PRPH2: variants seen among roughly 807,000 people sequenced by gnomAD.
The protein encoded by PRPH2 is peripherin-2.
A neutral mutation model predicts 31.3 loss-of-function variants in PRPH2; 17 were observed. That is an observed-to-expected ratio of 0.54 (90% confidence interval 0.37 to 0.81). PRPH2 has a LOEUF of 0.81. PRPH2 is among the 40% of genes least tolerant of loss of function. The pLI, the probability that PRPH2 is intolerant of heterozygous loss-of-function variation, is 0.00. For synonymous variants in PRPH2, 165 were observed against 184.4 expected (o/e 0.89, Z 0.85); for missense variants, 430 against 439.7 (o/e 0.98, Z 0.20).
chr6:42,714,061 T>G (rs1403858423), intron 1 of PRPH2, among the ~76,000 whole-genome samples: 1 of 151,916 alleles, frequency 6.6e-6, no homozygotes, highest in African/African-American at 2.4e-5. Context: ...TAATGCCGAA[T>G]GTATGCAAGA....
At position 42,716,302 on chromosome 6, in the gene PRPH2, A is replaced by G. The variant is rs115960864; in HGVS notation, c.581+5452T>C. Among the ~76,000 whole-genome samples the G allele has an allele frequency of 5.7e-3, 866 of 152,246 alleles. 8 individuals are homozygous for G. The highest frequency in any genetic ancestry group is 0.02 in the African/African-American group (830 of 41,540). On this transcript the variant is annotated intron_variant, in intron 1 of 2. Coordinates refer to ENST00000230381, the MANE Select transcript of PRPH2 (RefSeq NM_000322.5). ...CTGCCTGGCATGGTGGTGGGTGCCT[A>G]TAATCCCAGGTACTCTGGAGGCTGA...
intron 1 of PRPH2, among the ~76,000 whole-genome samples, chr6:42,706,613 GA>G (rs917010111): frequency 3.4e-4 from 47 of 139,202 alleles, no homozygotes; most frequent in African/African-American, 7.8e-4. Context: ...AAAGGAAAAA[GA>G]AAAAAAAATT....
At position 42,698,528 on chromosome 6, in the gene PRPH2, T is replaced by A. The variant is rs368234195; in HGVS notation, c.829-21A>T. 2,152 of 1,613,880 alleles carry A rather than the reference T, an allele frequency of 1.3e-3. 2 individuals carry two copies. The highest frequency in any genetic ancestry group is 1.7e-3 in the Non-Finnish European group (2,046 of 1,179,988). On this transcript the variant is annotated intron_variant, in intron 2 of 2. Transcript: ENST00000230381. ...GTCACCTGGTGGTGGGAGAGGAGAT[T>A]TAGAGGCAATCTGGGAGAATCGCTG...
At chr6:42,720,707 G>GA (rs1163716624) in intron 1 of PRPH2, among the ~76,000 whole-genome samples, 2 of 151,174 alleles carry the variant, frequency 1.3e-5, no homozygotes, top group East Asian at 1.9e-4. Flanking sequence ...TCACTGGGAA[G>GA]AAAAAAAAAC....
chr6:42,713,348 T>C (rs1238717342), intron 1 of PRPH2, among the ~76,000 whole-genome samples: 1 of 152,064 alleles, frequency 6.6e-6, no homozygotes, highest in Non-Finnish European at 1.5e-5. Context: ...CTCCTCCAAG[T>C]GTAGCAGGAA....
At chr6:42,721,429 G>A (rs1430473923) in intron 1 of PRPH2, among the ~76,000 whole-genome samples, 1 of 152,170 alleles carries the variant, frequency 6.6e-6, no homozygotes, top group African/African-American at 2.4e-5. Flanking sequence ...CCATCCCTCT[G>A]TATAAAGTGG....
chr6:42,700,385 G>T lies in PRPH2; in HGVS notation c.829-1878C>A, dbSNP rs563260827. On this transcript the variant is annotated intron_variant, in intron 2 of 2. Transcript: ENST00000230381. The stretch of plus-strand genomic sequence containing the variant: ...GCAAACTCTACAAGAGGATGAAGCT[G>T]CTCCCTGAGGGCAGGGATGGCCCTG... Among the ~76,000 whole-genome samples the T allele has an allele frequency of 2.6e-5, 4 of 152,314 alleles. No individual in the cohort carries two copies. The South Asian group carries it at 8.3e-4, about 32-fold the overall frequency.
chr6:42,718,651 T>C (rs1761834690), intron 1 of PRPH2, among the ~76,000 whole-genome samples: 1 of 152,044 alleles, frequency 6.6e-6, no homozygotes, highest in African/African-American at 2.4e-5. Context: ...CTAATTCATA[T>C]ATTTTTTTTT....
chr6:42,711,830 G>A, intron 1 of PRPH2: 1 of 985,384 alleles, frequency 1.0e-6, no homozygotes, highest in Non-Finnish European at 1.2e-6. Context: ...CTCAGACTGG[G>A]GACCCCAGGC....
Position 42,711,669 on chromosome 6 carries a change from C to A in PRPH2, c.582-7058G>T, listed in dbSNP as rs1335569756. 3.7e-6 allele frequency: 3 copies of A among 812,012 alleles called. No homozygotes were observed. In the East Asian group the frequency reaches 3.7e-4, roughly 101 times the overall value. 50.3% of individuals were successfully genotyped at this position (812,012 alleles called of 1,614,324 possible). The stretch of plus-strand genomic sequence containing the variant: ...AGACACAGCTCTCTTCAAAGAGTTC[C>A]CGTCTGAGAGGGGAGAAACCCCATA... On this transcript the variant is annotated intron_variant, in intron 1 of 2. Transcript: ENST00000230381.
chr6:42,698,577 C>T, intron 2 of PRPH2, 70 bp from the exon 3 acceptor site: 1 of 1,594,152 alleles, frequency 6.3e-7, no homozygotes, highest in Non-Finnish European at 8.5e-7. Context: ...TAGGAAACCA[C>T]AGGAGCCTCA....
At chr6:42,703,343 A>C (rs1800081372) in intron 2 of PRPH2, among the ~76,000 whole-genome samples, 1 of 152,246 alleles carries the variant, frequency 6.6e-6, no homozygotes, top group Non-Finnish European at 1.5e-5. Flanking sequence ...GTTGCAGATA[A>C]GATGAACCCA....
chr6:42,716,059 C>G (rs1431622826), intron 1 of PRPH2, among the ~76,000 whole-genome samples: 3 of 152,174 alleles, frequency 2.0e-5, no homozygotes, highest in Non-Finnish European at 1.5e-5. Flanking sequence ...GCAGAAATGC[C>G]TGGAAATCAC....
intron 1 of PRPH2, among the ~76,000 whole-genome samples, chr6:42,715,320 A>G (rs1038628844): frequency 5.9e-5 from 9 of 152,232 alleles, no homozygotes; most frequent in Admixed American, 2.0e-4. Context: ...TGACTTGGCA[A>G]CACGGTCATA....
intron 1 of PRPH2, among the ~76,000 whole-genome samples, chr6:42,717,167 CT>C (rs1039255325): frequency 6.7e-6 from 1 of 149,868 alleles, no homozygotes; most frequent in African/African-American, 2.4e-5. Flanking sequence ...AATCCCAGCA[CT>C]TTGGGAGGCC....
chr6:42,712,041 A>T, intron 1 of PRPH2: 1 of 887,668 alleles, frequency 1.1e-6, no homozygotes. Context: ...TCTTGCCACA[A>T]CTGAGCCTGA....
chr6:42,718,547 T>C (rs1453002099), intron 1 of PRPH2, among the ~76,000 whole-genome samples: 2 of 152,144 alleles, frequency 1.3e-5, no homozygotes, highest in African/African-American at 4.8e-5. Flanking sequence ...CCTATCAGAC[T>C]GCACCCTTGG....
At chr6:42,715,745 T>C (rs911545321) in intron 1 of PRPH2, among the ~76,000 whole-genome samples, 8 of 152,178 alleles carry the variant, frequency 5.3e-5, no homozygotes, top group Non-Finnish European at 1.0e-4. Flanking sequence ...TGCCTGATCT[T>C]ATTCATTAGA....
chr6:42,705,600 A>AAAAAAATATATATC (rs869107779), intron 1 of PRPH2, among the ~76,000 whole-genome samples: 1 of 3,686 alleles, frequency 2.7e-4, no homozygotes, highest in African/African-American at 1.2e-3. Flanking sequence ...AAAAAAAAAA[A>AAAAAAATATATATC]TATATATATA....
Sources: allele counts gnomAD v4.1 joint callset (sites outside exome capture counted in the v4.1 genomes callset), GRCh38; gene constraint gnomAD v4.1.1; transcripts MANE v1.5; gene names NCBI Gene and HGNC (gene_info 2026-07-23, HGNC 2026-07-21).